TEX9: variants seen among roughly 807,000 people sequenced by gnomAD.
TEX9 encodes testis expressed 9, also known as testis-expressed protein 9.
Under a neutral mutation model 59.6 loss-of-function variants are expected in TEX9, and 74 were observed. The observed-to-expected ratio is 1.24, with a 90% CI of 1.03 to 1.51. TEX9 has a LOEUF of 1.51. Ranked by LOEUF, TEX9 falls within the 40% of genes most tolerant of loss-of-function variation. The pLI is 0.00. For missense variants in TEX9, 522 were observed against 447.8 expected, an observed-to-expected ratio of 1.17 and a Z score of -1.49; for synonymous variants, 186 against 152.2, an observed-to-expected ratio of 1.22 and a Z score of -1.64.
intron 1 of TEX9, among the ~76,000 whole-genome samples, chr15:56,302,759 G>A (rs1469001182): frequency 6.6e-6 from 1 of 152,164 alleles, no homozygotes; most frequent in African/African-American, 2.4e-5. Flanking sequence ...AAAAGACATG[G>A]AGTGGCTGAA....
chr15:56,267,749 A>C (rs1596053676), intron 1 of TEX9, among the ~76,000 whole-genome samples: 1 of 152,270 alleles, frequency 6.6e-6, no homozygotes, highest in East Asian at 1.9e-4. Context: ...TATAGTTTGA[A>C]GTCAGGTAGC....
intron 11 of TEX9, 94 bp from the exon 12 acceptor site, chr15:56,428,273 A>G: frequency 1.2e-6 from 1 of 841,962 alleles, no homozygotes; most frequent in Non-Finnish European, 2.0e-6. Context: ...TTATATTCTG[A>G]CAATATATTA....
intron 1 of TEX9, among the ~76,000 whole-genome samples, chr15:56,245,432 C>A (rs62044145): frequency 2.6e-5 from 4 of 152,192 alleles, no homozygotes; most frequent in Non-Finnish European, 5.9e-5. Context: ...AATGAGCCCC[C>A]TTTTCCATAC....
At chr15:56,354,133 A>G (rs1482750639) in intron 1 of TEX9, among the ~76,000 whole-genome samples, 2 of 152,176 alleles carry the variant, frequency 1.3e-5, no homozygotes, top group Non-Finnish European at 1.5e-5. Flanking sequence ...ACATTTTTAT[A>G]TGTTGTATAT....
At chr15:56,392,196 G>A (rs865872893) in intron 7 of TEX9, among the ~76,000 whole-genome samples, 134 of 152,244 alleles carry the variant, frequency 8.8e-4, no homozygotes, top group African/African-American at 3.0e-3. Flanking sequence ...GTCTGTTCCT[G>A]CACTGCTATA....
At chr15:56,379,081 A>AG (rs2047599532) in intron 3 of TEX9, among the ~76,000 whole-genome samples, 1 of 130,324 alleles carries the variant, frequency 7.7e-6, no homozygotes, top group African/African-American at 3.9e-5. Flanking sequence ...CAAAAAAAAA[A>AG]AAAGAAAGAA....
chr15:56,254,034 G>T (rs1319685164), intron 1 of TEX9, among the ~76,000 whole-genome samples: 1 of 152,118 alleles, frequency 6.6e-6, no homozygotes, highest in Non-Finnish European at 1.5e-5. Flanking sequence ...TGTTTTGAAA[G>T]AGTTAATTCA....
intron 3 of TEX9, among the ~76,000 whole-genome samples, chr15:56,382,458 A>G (rs546820549): frequency 1.3e-5 from 2 of 152,248 alleles, no homozygotes; most frequent in African/African-American, 2.4e-5. Context: ...TACAACTGGG[A>G]ATGTGCTGGA....
chr15:56,281,559 C>G (rs1350760301), intron 1 of TEX9, among the ~76,000 whole-genome samples: 1 of 152,206 alleles, frequency 6.6e-6, no homozygotes, highest in Non-Finnish European at 1.5e-5. Flanking sequence ...CCCCGCCCCA[C>G]TCTTAAGTCC....
At chr15:56,286,582 A>G (rs955752962) in intron 1 of TEX9, among the ~76,000 whole-genome samples, 1 of 152,198 alleles carries the variant, frequency 6.6e-6, no homozygotes, top group Admixed American at 6.5e-5. Flanking sequence ...ATATAGGACA[A>G]CAGACTTCAG....
chr15:56,268,773 G>C (rs1438316326), intron 1 of TEX9, among the ~76,000 whole-genome samples: 1 of 151,904 alleles, frequency 6.6e-6, no homozygotes, highest in Non-Finnish European at 1.5e-5. Context: ...CAGAGATATT[G>C]GTCTAAAATT....
At chr15:56,317,769 TTGA>T (rs1459959166) in intron 1 of TEX9, among the ~76,000 whole-genome samples, 1 of 152,204 alleles carries the variant, frequency 6.6e-6, no homozygotes, top group African/African-American at 2.4e-5. Context: ...TCTTTGACAA[TTGA>T]TTATTTAGGA....
chr15:56,417,228 ATCT>A (rs1192544970), intron 10 of TEX9, among the ~76,000 whole-genome samples: 2 of 151,268 alleles, frequency 1.3e-5, no homozygotes, highest in African/African-American at 4.9e-5. Context: ...GTTATTTCTC[ATCT>A]TCTGCTAGCT....
chr15:56,309,123 G>T (rs2045546500), intron 1 of TEX9, among the ~76,000 whole-genome samples: 1 of 152,152 alleles, frequency 6.6e-6, no homozygotes, highest in Non-Finnish European at 1.5e-5. Flanking sequence ...TGAATCTGCA[G>T]ATCATTTGGG....
chr15:56,256,791 T>G (rs748412818), intron 1 of TEX9, among the ~76,000 whole-genome samples: 15 of 152,134 alleles, frequency 9.9e-5, no homozygotes, highest in Non-Finnish European at 2.1e-4. Context: ...TTAAAAGTTT[T>G]AAGTTTAGGG....
intron 9 of TEX9, among the ~76,000 whole-genome samples, chr15:56,401,871 C>A (rs2048804984): frequency 6.6e-6 from 1 of 152,308 alleles, no homozygotes; most frequent in African/African-American, 2.4e-5. Context: ...CAACCTGCTC[C>A]TGAATGACTA....
rs3222054 is a variant in TEX9, at chr15:56,283,049, G to GT, written c.-107+38771_-107+38772insT. Reference sequence around the variant, plus strand: ...TTTATTTATAGTGTGTACATTGTGTGGTGTGTGTGTGTGTGTGTGTGTGTG... The same window carrying GT: ...TTTATTTATAGTGTGTACATTGTGTGTGTGTGTGTGTGTGTGTGTGTGTGTG... On this transcript the variant is annotated intron_variant, in intron 1 of 5. Transcript: ENST00000560827. Among the ~76,000 whole-genome samples the GT allele has an allele frequency of 5.4e-5, 8 of 148,442 alleles. No individual in the cohort carries two copies. The East Asian group carries it at 1.2e-3, about 22-fold the overall frequency.
chr15:56,435,156 C>T (rs1229970960), intron 12 of TEX9, among the ~76,000 whole-genome samples: 1 of 151,956 alleles, frequency 6.6e-6, no homozygotes, highest in Non-Finnish European at 1.5e-5. Context: ...TTCTGAGAAA[C>T]ATTTATAGCA....
At chr15:56,269,224 A>G (rs1487228697) in intron 1 of TEX9, among the ~76,000 whole-genome samples, 1 of 151,514 alleles carries the variant, frequency 6.6e-6, no homozygotes, top group African/African-American at 2.4e-5. Flanking sequence ...TTTCTTCTTT[A>G]TGAGTCTTGC....
Sources: allele counts gnomAD v4.1 joint callset (sites outside exome capture counted in the v4.1 genomes callset), GRCh38; gene constraint gnomAD v4.1.1; transcripts MANE v1.5; gene names NCBI Gene and HGNC (gene_info 2026-07-23, HGNC 2026-07-21).